The following FLVCR1 variants were observed in gnomAD, a reference collection of about 807,000 sequenced individuals.
FLVCR1 encodes the protein choline/ethanolamine transporter FLVCR1.
FLVCR1 carries 34 observed loss-of-function variants against 53.6 expected under a neutral mutation model. The observed-to-expected ratio is 0.63, with a 90% CI of 0.48 to 0.84. FLVCR1 has a LOEUF of 0.84. Among genes scored for constraint, FLVCR1 ranks in the 40% least tolerant of loss-of-function variants. The pLI, the probability that FLVCR1 is intolerant of heterozygous loss-of-function variation, is 0.00. For missense variants in FLVCR1, 677 were observed against 696.7 expected (o/e 0.97, Z 0.32); for synonymous variants, 300 against 286.3 (o/e 1.05, Z -0.48).
chr1:212,886,611 G>A (rs1665072483), intron 5 of FLVCR1, among the ~76,000 whole-genome samples: 1 of 151,896 alleles, frequency 6.6e-6, no homozygotes, highest in Admixed American at 6.6e-5. Context: ...ACCAGCTTGG[G>A]CAACATGGTG....
At chr1:212,889,288 CT>C in intron 8 of FLVCR1, 31 bp downstream of exon 8, 1 of 1,348,120 alleles carries the variant, frequency 7.4e-7, no homozygotes, top group Non-Finnish European at 1.1e-6. Context: ...GGCAAAAGGA[CT>C]TGTGTCATGT....
chr1:212,888,461 T>G (rs1270930420), intron 6 of FLVCR1, 28 bp from the exon 7 acceptor site: 1 of 1,476,460 alleles, frequency 6.8e-7, no homozygotes, highest in Non-Finnish European at 9.5e-7. Context: ...TGGTAGTTCT[T>G]TCTGTAATTC....
intron 1 of FLVCR1, among the ~76,000 whole-genome samples, chr1:212,860,350 G>GTTTTTTTTTTTGTTTTTT (rs1664187823): frequency 1.2e-5 from 1 of 85,824 alleles, no homozygotes; most frequent in Non-Finnish European, 2.4e-5. Flanking sequence ...TGTGTGTGTG[G>GTTTTTTTTTTTGTTTTTT]TTTTTTTTTT....
Position 212,858,343 on chromosome 1 carries a change from TG to T in FLVCR1, c.-107del. The T allele has an allele frequency of 9.4e-7, 1 of 1,069,390 alleles. No homozygotes were observed. The highest frequency in any genetic ancestry group is 1.3e-6 in the Non-Finnish European group (1 of 782,764). 66.2% of individuals were successfully genotyped at this position (1,069,390 alleles called of 1,614,324 possible). On this transcript the variant is annotated 5_prime_UTR_variant, in exon 1 of 10. Transcript: ENST00000366971. ...GCGCGCGCCACCGGGGAAGGAGCGGTGGGCCGAGGGGTTGGAGGTGGGGCCC... is the reference window on the plus strand; with the variant it reads ...GCGCGCGCCACCGGGGAAGGAGCGGTGGCCGAGGGGTTGGAGGTGGGGCCC...
chr1:212,889,288 C>G (rs1196417772), intron 8 of FLVCR1, 31 bp downstream of exon 8: 3 of 1,348,120 alleles, frequency 2.2e-6, no homozygotes, highest in Admixed American at 1.7e-5. Context: ...GGCAAAAGGA[C>G]TTGTGTCATG....
At chr1:212,865,737 C>T (rs960133730) in intron 2 of FLVCR1, among the ~76,000 whole-genome samples, 1 of 151,968 alleles carries the variant, frequency 6.6e-6, no homozygotes, top group Non-Finnish European at 1.5e-5. Context: ...CTGCCTCAAC[C>T]TCCCAAAGTG....
chr1:212,870,810 C>T (rs868400229), intron 2 of FLVCR1, among the ~76,000 whole-genome samples: 7 of 152,122 alleles, frequency 4.6e-5, no homozygotes, highest in Middle Eastern at 3.4e-3. Flanking sequence ...TCCGTTGCCC[C>T]GGCTGGAGTG....
At position 212,873,326 on chromosome 1, in the gene FLVCR1, GAAAGA is replaced by G. The variant is rs1000814885; in HGVS notation, c.1024+518_1024+522del. On this transcript the variant is annotated intron_variant, in intron 3 of 9. Coordinates refer to ENST00000366971, the MANE Select transcript of FLVCR1 (RefSeq NM_014053.4). ...AGACTATCTCAAAAAAAAAATAAAA[GAAAGA>G]AAAGAAAAGTAGTTCTCAAATACAG... Among the ~76,000 whole-genome samples the G allele has an allele frequency of 2.1e-5, 3 of 142,944 alleles. No homozygotes were observed. The East Asian group carries it at 6.3e-4, about 30-fold the overall frequency. The allele number at this position is 142,944 out of a possible 152,430, so 93.8% of individuals were successfully genotyped here.
intron 3 of FLVCR1, among the ~76,000 whole-genome samples, chr1:212,876,357 G>A (rs973868444): frequency 1.3e-5 from 2 of 150,046 alleles, no homozygotes; most frequent in African/African-American, 4.9e-5. Flanking sequence ...CCCTGCAAAG[G>A]ACATGATCTC....
In FLVCR1 at chr1:212,894,833, G is replaced by A. The variant is rs1665291376; in HGVS notation, c.1526-153G>A. On this transcript the variant is annotated intron_variant, in intron 8 of 9. Transcript: ENST00000366971. ...CTTATTAATTGTTAACAACTTTAGA[G>A]AGGTACTATTATTTTTTAGGCTGTT... 2.0e-5 allele frequency among the ~76,000 whole-genome samples: 3 copies of A among 152,146 alleles called. No individual in the cohort carries two copies. The South Asian group carries it at 6.2e-4, about 32-fold the overall frequency.
chr1:212,866,389 G>A (rs1664431013), intron 2 of FLVCR1, among the ~76,000 whole-genome samples: 1 of 152,032 alleles, frequency 6.6e-6, no homozygotes, highest in Admixed American at 6.6e-5. Flanking sequence ...CCAAAGGGCT[G>A]GGATTACTGG....
At position 212,859,048 on chromosome 1, in the gene FLVCR1, T is replaced by A. The variant is rs1373492232; in HGVS notation, c.596T>A (p.Leu199His). The A allele has an allele frequency of 3.7e-6, 6 of 1,612,302 alleles. No individual in the cohort carries two copies. The highest frequency in any genetic ancestry group is 5.1e-6 in the Non-Finnish European group (6 of 1,178,832). Residue 199 changes from leucine (L) to histidine (H), a missense_variant, in exon 1 of 10, where the codon CTC becomes CAC. Coordinates refer to ENST00000366971, the MANE Select transcript of FLVCR1 (RefSeq NM_014053.4). ...WIKCGSVQQH[L>H]FWVTMLGQCL... Reference sequence around the variant, plus strand: ...AAGTGCGGCAGTGTGCAGCAGCATCTCTTCTGGGTCACCATGTTGGGCCAG... The same window carrying A: ...AAGTGCGGCAGTGTGCAGCAGCATCACTTCTGGGTCACCATGTTGGGCCAG...
At chr1:212,859,472 C>CT (rs1023582498) in intron 1 of FLVCR1, among the ~76,000 whole-genome samples, 8 of 152,154 alleles carry the variant, frequency 5.3e-5, no homozygotes, top group African/African-American at 1.9e-4. Flanking sequence ...AATCCCAGCA[C>CT]TTTGGGAGGC....
intron 5 of FLVCR1, chr1:212,885,657 T>C: frequency 2.8e-6 from 1 of 351,486 alleles, no homozygotes; most frequent in South Asian, 3.3e-5. Flanking sequence ...TTCACGCCAT[T>C]TTCCTGCCTC....
intron 2 of FLVCR1, among the ~76,000 whole-genome samples, chr1:212,865,926 G>A (rs1321690165): frequency 2.9e-5 from 2 of 69,820 alleles, no homozygotes; most frequent in Non-Finnish European, 7.6e-5. Context: ...AGCAGTTCTC[G>A]TGCCTCAGCC....
At chr1:212,881,059 C>G (rs1324441574) in intron 3 of FLVCR1, among the ~76,000 whole-genome samples, 2 of 152,096 alleles carry the variant, frequency 1.3e-5, no homozygotes, top group African/African-American at 2.4e-5. Flanking sequence ...GCAAACTGCT[C>G]TAATAACTAG....
At chr1:212,895,170 A>G in intron 9 of FLVCR1, 46 bp from the exon 10 acceptor site, 2 of 1,454,764 alleles carry the variant, frequency 1.4e-6, no homozygotes, top group Non-Finnish European at 1.9e-6. Flanking sequence ...TTATAATAGG[A>G]TATGCCAGAT....
rs1434370439 is a variant in FLVCR1 at position 212,872,837 on chromosome 1, C to CT, written c.1024+22dup. The CT allele has an allele frequency of 6.2e-7, 1 of 1,612,900 alleles. No homozygotes were observed. The highest frequency in any genetic ancestry group is 8.5e-7 in the Non-Finnish European group (1 of 1,179,310). On this transcript the variant is annotated intron_variant, in intron 3 of 9. Transcript: ENST00000366971. ...ACTTATGGTAAGTGGTTTTCTTGTA[C>CT]TTTCTTTAATGTCTGTGTGAGCCTT...
Position 212,859,156 on chromosome 1 carries a change from C to G in FLVCR1, c.704C>G (p.Ser235Cys), listed in dbSNP as rs1415055566. ...GTGTGGTTTGGGCCCAAAGAGGTGT[C>G]CACAGCTTGTGCCACCGCCGTGCTG... ...ASVWFGPKEV[S>C]TACATAVLGN... Residue 235 changes from serine (S) to cysteine (C), a missense_variant, in exon 1 of 10, where the codon TCC (serine) becomes TGC (cysteine). By Grantham distance (112) the Ser-to-Cys change is moderately radical. Coordinates refer to ENST00000366971, the MANE Select transcript of FLVCR1 (RefSeq NM_014053.4). 6.2e-7 allele frequency: 1 copy of G among 1,613,958 alleles called. No individual in the cohort carries two copies.
Sources: allele counts gnomAD v4.1 joint callset (sites outside exome capture counted in the v4.1 genomes callset), GRCh38; gene constraint gnomAD v4.1.1; transcripts MANE v1.5; gene names NCBI Gene and HGNC (gene_info 2026-07-23, HGNC 2026-07-21).